The following ALG6 variants were observed in gnomAD, a reference collection of about 807,000 sequenced individuals.
The protein encoded by ALG6 is dolichyl pyrophosphate Man9GlcNAc2 alpha-1,3-glucosyltransferase.
ALG6 carries 46 observed loss-of-function variants against 66.6 expected under a neutral mutation model. The observed-to-expected ratio is 0.69, with a 90% CI of 0.55 to 0.88. ALG6 has a LOEUF of 0.88. Among genes scored for constraint, ALG6 ranks in the 40% least tolerant of loss-of-function variants. ALG6 has a pLI of 0.00. For synonymous variants in ALG6, 185 were observed against 203.7 expected (o/e 0.91, Z 0.78); for missense variants, 505 against 586.8 (o/e 0.86, Z 1.44).
At position 63,400,280 on chromosome 1, in the gene ALG6, TAC is replaced by T. The variant is rs1171439678; in HGVS notation, c.168-1973_168-1972del. 3.8e-4 allele frequency among the ~76,000 whole-genome samples: 10 copies of T among 26,314 alleles called. 4 individuals carry two copies. The highest frequency in any genetic ancestry group is 3.3e-3 in the African/African-American group (10 of 3,068). 17.3% of individuals were successfully genotyped at this position (26,314 alleles called of 152,430 possible). On this transcript the variant is annotated intron_variant, in intron 3 of 14. Transcript: ENST00000263440. ...GTATATATATATACGTATATATATA[TAC>T]GTATATATATATACGTATATATATG...
intron 12 of ALG6, among the ~76,000 whole-genome samples, chr1:63,422,229 A>G (rs1644582926): frequency 1.6e-5 from 1 of 61,796 alleles, no homozygotes; most frequent in Admixed American, 2.6e-4. Flanking sequence ...TTATATAAAT[A>G]TAAATATATA....
chr1:63,434,122 T>G (rs1644663846), intron 14 of ALG6, among the ~76,000 whole-genome samples: 1 of 152,190 alleles, frequency 6.6e-6, no homozygotes, highest in African/African-American at 2.4e-5. Flanking sequence ...GGGACTAGAA[T>G]CTGACTTACA....
chr1:63,387,778 G>A (rs1395637526), intron 2 of ALG6, among the ~76,000 whole-genome samples: 1 of 151,904 alleles, frequency 6.6e-6, no homozygotes, highest in Non-Finnish European at 1.5e-5. Flanking sequence ...CTGACCTCAG[G>A]CAATCCGCCT....
At position 63,404,541 on chromosome 1, in the gene ALG6, G is replaced by T; in HGVS notation, c.346G>T (p.Val116Phe). The T allele has an allele frequency of 6.2e-7, 1 of 1,612,878 alleles. No homozygotes were observed. Among genetic ancestry groups the T allele is most frequent in the Non-Finnish European group, 8.5e-7 (1 of 1,179,016 alleles). Residue 116 changes from valine to phenylalanine, a missense_variant and splice_region_variant, in exon 5 of 15, where the codon GTT becomes TTT. Transcript: ENST00000263440. ...ACATAAGCTCTTCATGCGTACAACA[G>T]GTAAAAGAGCAATGGGTAGTGAATA... The part of the protein sequence containing the change: ...QAHKLFMRTT[V>F]LIADLLIYIP...
chr1:63,398,583 C>T (rs1489138963), intron 3 of ALG6, among the ~76,000 whole-genome samples: 2 of 152,190 alleles, frequency 1.3e-5, no homozygotes, highest in African/African-American at 4.8e-5. Context: ...CGCCATTCTC[C>T]TGCCTTAGCT....
chr1:63,419,441 G>A lies in ALG6; in HGVS notation c.1058+1G>A. 6.3e-7 allele frequency: 1 copy of A among 1,584,210 alleles called. No individual in the cohort carries two copies. Among genetic ancestry groups the A allele is most frequent in the Non-Finnish European group, 8.6e-7 (1 of 1,157,106 alleles). ...AAAAATCCATTCTCTTGGTGTCACT[G>A]TAAGTAGAAACATTTGAAATATGTG... is the stretch of plus-strand genomic sequence containing the variant. On this transcript the variant is annotated splice_donor_variant, in intron 12 of 14. Coordinates refer to ENST00000263440, the MANE Select transcript of ALG6 (RefSeq NM_013339.4). LOFTEE classifies it high-confidence loss of function.
intron 12 of ALG6, among the ~76,000 whole-genome samples, chr1:63,424,592 T>C (rs535952707): frequency 6.6e-6 from 1 of 152,244 alleles, no homozygotes; most frequent in South Asian, 2.1e-4. Context: ...GTTCTTTTGA[T>C]GCACAAAAGT....
intron 10 of ALG6, 99 bp downstream of exon 10, chr1:63,414,245 TTTTTC>T (rs907033841): frequency 1.1e-5 from 11 of 957,006 alleles, no homozygotes; most frequent in Admixed American, 4.6e-5. Flanking sequence ...GAATGAGGTG[TTTTTC>T]TTTTCTTTTT....
At chr1:63,373,057 A>G (rs1647986763) in intron 2 of ALG6, among the ~76,000 whole-genome samples, 1 of 151,508 alleles carries the variant, frequency 6.6e-6, no homozygotes, top group Non-Finnish European at 1.5e-5. Context: ...GTCCAGGCTA[A>G]AGTGCAGTGG....
intron 11 of ALG6, among the ~76,000 whole-genome samples, chr1:63,418,673 T>C (rs893063297): frequency 3.3e-5 from 5 of 152,082 alleles, no homozygotes; most frequent in Non-Finnish European, 7.4e-5. Context: ...GTGTTACCAA[T>C]TAGGAGATTA....
intron 10 of ALG6, among the ~76,000 whole-genome samples, chr1:63,414,898 T>C: frequency 6.6e-6 from 1 of 152,142 alleles, no homozygotes; most frequent in East Asian, 1.9e-4. Flanking sequence ...GAAGAGCAAT[T>C]CAGACCCAGA....
intron 3 of ALG6, among the ~76,000 whole-genome samples, chr1:63,397,493 C>T (rs1384698291): frequency 2.0e-5 from 3 of 151,952 alleles, no homozygotes; most frequent in Admixed American, 6.6e-5. Flanking sequence ...CCTAGGTGTT[C>T]GTTTTCGTAT....
chr1:63,385,657 A>G (rs1174871478), intron 2 of ALG6, among the ~76,000 whole-genome samples: 1 of 152,144 alleles, frequency 6.6e-6, no homozygotes, highest in African/African-American at 2.4e-5. Context: ...TGATTTTTGT[A>G]TGTTGATTTT....
At position 63,437,779 on chromosome 1, in the gene ALG6, A is replaced by G. The variant is rs2100449124; in HGVS notation, c.*759A>G. On this transcript the variant is annotated 3_prime_UTR_variant, in exon 15 of 15. Coordinates refer to ENST00000263440, the MANE Select transcript of ALG6 (RefSeq NM_013339.4). ...AATTACACATAATCACTGGTTCTAA[A>G]CTTCCAGAACCATTCTGTTTAATTA... 6.6e-6 allele frequency: 1 copy of G among 151,258 alleles called. No individual in the cohort carries two copies. Among genetic ancestry groups the G allele is most frequent in the South Asian group, 2.1e-4 (1 of 4,802 alleles). The allele number at this position is 151,258 out of a possible 1,614,324, so 9.4% of individuals were successfully genotyped here. A position where few individuals can be genotyped will look rare whatever the true frequency, so the allele number is the denominator to read the frequency against.
rs1648843372 is a variant in ALG6, at chr1:63,396,986, CA to C, written c.167+390del. Among the ~76,000 whole-genome samples the C allele has an allele frequency of 2.0e-5, 3 of 152,214 alleles. No individual in the cohort carries two copies. The South Asian group carries it at 6.2e-4, about 32-fold the overall frequency. Reference sequence around the variant, plus strand: ...AGATAAAAATAAAAGAGAGCTTTGGCAGTAGCTGATGGCTGAATTTGCAGAT... The same window carrying C: ...AGATAAAAATAAAAGAGAGCTTTGGCGTAGCTGATGGCTGAATTTGCAGAT... On this transcript the variant is annotated intron_variant, in intron 3 of 14. Coordinates refer to ENST00000263440, the MANE Select transcript of ALG6 (RefSeq NM_013339.4).
Position 63,428,794 on chromosome 1 carries a change from A to C in ALG6, c.1120A>C (p.Thr374Pro), listed in dbSNP as rs368086400. The C allele has an allele frequency of 6.2e-7, 1 of 1,607,786 alleles. No homozygotes were observed. The highest frequency in any genetic ancestry group is 1.1e-5 in the South Asian group (1 of 90,370). ...FMSTWFLLVSTFSMLPLLLKD... is the reference protein window; with the variant it reads ...FMSTWFLLVSPFSMLPLLLKD... ...GTCTACTTGGTTTTTACTTGTGTCA[A>C]CATTTAGGTAAGTCATATCAATTTC... Residue 374 changes from threonine to proline, a missense_variant, in exon 13 of 15, where the codon ACA becomes CCA. Coordinates refer to ENST00000263440, the MANE Select transcript of ALG6 (RefSeq NM_013339.4).
chr1:63,377,982 A>T (rs918014219), intron 2 of ALG6, among the ~76,000 whole-genome samples: 2 of 152,042 alleles, frequency 1.3e-5, no homozygotes, highest in African/African-American at 4.8e-5. Flanking sequence ...CTCAAGGGGG[A>T]TCCTCCCACC....
chr1:63,369,872 G>T (rs749724557), intron 1 of ALG6, among the ~76,000 whole-genome samples: 4 of 151,786 alleles, frequency 2.6e-5, no homozygotes, highest in Non-Finnish European at 5.9e-5. Flanking sequence ...AGGCTGGAGT[G>T]CAATGGTGCG....
In ALG6 at chr1:63,402,933, A is replaced by G. The variant is rs1034611733; in HGVS notation, c.257+590A>G. ...AACATGGTGAAACCCCATCTCTACTAAAAATACAAAAATTAGTCAGGCGTG... is the reference window on the plus strand; with the variant it reads ...AACATGGTGAAACCCCATCTCTACTGAAAATACAAAAATTAGTCAGGCGTG... On this transcript the variant is annotated intron_variant, in intron 4 of 14. Coordinates refer to ENST00000263440, the MANE Select transcript of ALG6 (RefSeq NM_013339.4). Among the ~76,000 whole-genome samples the G allele has an allele frequency of 7.7e-4, 116 of 151,308 alleles. 2 individuals carry two copies. Among genetic ancestry groups the G allele is most frequent in the Non-Finnish European group, 7.4e-4 (50 of 67,716 alleles).
Sources: allele counts gnomAD v4.1 joint callset (sites outside exome capture counted in the v4.1 genomes callset), GRCh38; gene constraint gnomAD v4.1.1; transcripts MANE v1.5; gene names NCBI Gene and HGNC (gene_info 2026-07-23, HGNC 2026-07-21).